The following ADAMTS20 variants were observed in gnomAD, a reference collection of about 807,000 sequenced individuals.
The protein encoded by ADAMTS20 is ADAM metallopeptidase with thrombospondin type 1 motif 20.
Under a neutral mutation model 260.1 loss-of-function variants are expected in ADAMTS20, and 225 were observed. The ratio of observed to expected loss-of-function variants is 0.87; its 90% CI spans 0.78 to 0.97. The LOEUF is 0.97. Among genes scored for constraint, ADAMTS20 ranks in the 50% least tolerant of loss-of-function variants. The pLI, the probability that ADAMTS20 is intolerant of heterozygous loss-of-function variation, is 0.00. For synonymous variants in ADAMTS20, 802 were observed against 769.5 expected (o/e 1.04, Z -0.70); for missense variants, 2,400 against 2,337.7 (o/e 1.03, Z -0.55).
At chr12:43,388,287 C>G (rs1172517599) in intron 29 of ADAMTS20, among the ~76,000 whole-genome samples, 1 of 152,140 alleles carries the variant, frequency 6.6e-6, no homozygotes, top group Non-Finnish European at 1.5e-5. Flanking sequence ...GAAGGAGTTT[C>G]CTGACCCCTT....
rs1943226526 is a variant in ADAMTS20, at chr12:43,531,929, T to G, written c.613+107A>C. 3.8e-6 allele frequency: 3 copies of G among 792,218 alleles called. No individual in the cohort carries two copies. In the East Asian group the frequency reaches 1.1e-4, roughly 29 times the overall value. 49.1% of individuals were successfully genotyped at this position (792,218 alleles called of 1,614,324 possible). Reference sequence around the variant, plus strand: ...TTTATTTCTGAATTTAAAAAATTAATTAAAAATAAATAAAATATTGAAGGG... The same window carrying G: ...TTTATTTCTGAATTTAAAAAATTAAGTAAAAATAAATAAAATATTGAAGGG... On this transcript the variant is annotated intron_variant, in intron 3 of 38. Coordinates refer to ENST00000389420, the MANE Select transcript of ADAMTS20 (RefSeq NM_025003.5).
In ADAMTS20 at chr12:43,432,291, G is replaced by A. The variant is rs1358270471; in HGVS notation, c.3096+13C>T. 19 of 1,609,138 alleles carry A rather than the reference G, an allele frequency of 1.2e-5. No individual in the cohort carries two copies. The highest frequency in any genetic ancestry group is 1.5e-5 in the Non-Finnish European group (18 of 1,177,148). On this transcript the variant is annotated intron_variant, in intron 21 of 38. Coordinates refer to ENST00000389420, the MANE Select transcript of ADAMTS20 (RefSeq NM_025003.5). ...ATATTTTAATAGTTCCAAGCATCAT[G>A]TGTTTAATGTACCTCGCTCCATTCA...
At chr12:43,387,881 C>G (rs921959722) in intron 29 of ADAMTS20, among the ~76,000 whole-genome samples, 2 of 152,164 alleles carry the variant, frequency 1.3e-5, no homozygotes, top group Admixed American at 6.5e-5. Context: ...CCCCTCCCCC[C>G]ACCAAGCTCC....
chr12:43,489,845 T>C (rs943149593), intron 7 of ADAMTS20, among the ~76,000 whole-genome samples: 1 of 151,988 alleles, frequency 6.6e-6, no homozygotes, highest in Admixed American at 6.5e-5. Flanking sequence ...ACAGTGAAAA[T>C]GCATGAACTT....
chr12:43,429,210 T>C (rs886452032), intron 24 of ADAMTS20, among the ~76,000 whole-genome samples: 4 of 152,082 alleles, frequency 2.6e-5, no homozygotes, highest in African/African-American at 9.7e-5. Flanking sequence ...TATATGAAGC[T>C]TAAAAATACA....
chr12:43,380,967 A>G (rs1940336366), intron 31 of ADAMTS20, among the ~76,000 whole-genome samples: 1 of 152,144 alleles, frequency 6.6e-6, no homozygotes, highest in South Asian at 2.1e-4. Context: ...GTTCACTCAT[A>G]CTTCCTGACT....
At chr12:43,540,033 C>T (rs1170001856) in intron 2 of ADAMTS20, among the ~76,000 whole-genome samples, 2 of 152,124 alleles carry the variant, frequency 1.3e-5, no homozygotes, top group Admixed American at 1.3e-4. Flanking sequence ...CAGGCGCTTG[C>T]CACCATGCCC....
intron 3 of ADAMTS20, among the ~76,000 whole-genome samples, chr12:43,504,143 T>C (rs955404326): frequency 6.6e-6 from 1 of 152,338 alleles, no homozygotes; most frequent in African/African-American, 2.4e-5. Context: ...CACACTGCTT[T>C]CCACAGTGGC....
At chr12:43,377,340 T>C (rs1275144780) in intron 32 of ADAMTS20, 25 bp downstream of exon 32, 2 of 1,573,668 alleles carry the variant, frequency 1.3e-6, no homozygotes, top group African/African-American at 1.3e-5. Context: ...TTCAGAAGTT[T>C]TAAAATTCAT....
intron 4 of ADAMTS20, among the ~76,000 whole-genome samples, chr12:43,499,747 C>T (rs1942729942): frequency 6.6e-6 from 1 of 152,114 alleles, no homozygotes; most frequent in African/African-American, 2.4e-5. Context: ...TCATGATCCA[C>T]CCACCTTGGC....
intron 3 of ADAMTS20, among the ~76,000 whole-genome samples, chr12:43,529,274 C>T (rs768561422): frequency 5.3e-5 from 8 of 152,070 alleles, no homozygotes; most frequent in South Asian, 2.1e-4. Flanking sequence ...GTAGATCCAC[C>T]GATTGATCCA....
In ADAMTS20 at chr12:43,552,141, C is replaced by G. The variant is rs1943527706; in HGVS notation, c.-220G>C. Among the ~76,000 whole-genome samples, 1 of 152,238 alleles carries G rather than the reference C, an allele frequency of 6.6e-6. No individual in the cohort carries two copies. The highest frequency in any genetic ancestry group is 2.1e-4 in the South Asian group (1 of 4,834). On this transcript the variant is annotated 5_prime_UTR_variant, in exon 1 of 39. Transcript: ENST00000389420. Reference sequence around the variant, plus strand: ...CTTCATCGCACTGCAGCCTCACCCCCCTTCCTGCGCCCGCGCTGCCCTCAG... The same window carrying G: ...CTTCATCGCACTGCAGCCTCACCCCGCTTCCTGCGCCCGCGCTGCCCTCAG...
chr12:43,452,192 G>A, intron 14 of ADAMTS20, 82 bp downstream of exon 14: 2 of 1,380,226 alleles, frequency 1.4e-6, no homozygotes, highest in Non-Finnish European at 1.9e-6. Context: ...AATAGTAAAA[G>A]TAATATTTGG....
intron 28 of ADAMTS20, chr12:43,423,753 A>G (rs933824211): frequency 5.7e-6 from 4 of 702,374 alleles, no homozygotes; most frequent in Middle Eastern, 4.6e-4. Context: ...CTCCATAGGG[A>G]TAAGAAATAT....
intron 14 of ADAMTS20, among the ~76,000 whole-genome samples, chr12:43,450,707 T>C (rs1592075537): frequency 8.7e-6 from 1 of 114,670 alleles, no homozygotes; most frequent in Non-Finnish European, 1.9e-5. Context: ...TCATAACTTA[T>C]ACTTATATTT....
At chr12:43,439,404 G>A (rs1362955433) in intron 18 of ADAMTS20, among the ~76,000 whole-genome samples, 5 of 152,092 alleles carry the variant, frequency 3.3e-5, no homozygotes, top group Non-Finnish European at 2.9e-5. Flanking sequence ...ATAGAGAAGG[G>A]TGAAAAGAGT....
intron 11 of ADAMTS20, among the ~76,000 whole-genome samples, chr12:43,454,360 G>A (rs1244787993): frequency 2.0e-5 from 3 of 152,036 alleles, no homozygotes; most frequent in Admixed American, 2.0e-4. Flanking sequence ...CCAAATACCA[G>A]GTTAATATGG....
intron 25 of ADAMTS20, 31 bp from the exon 26 acceptor site, chr12:43,428,562 C>A: frequency 6.4e-7 from 1 of 1,555,256 alleles, no homozygotes; most frequent in Non-Finnish European, 8.7e-7. Flanking sequence ...TGGTAATATA[C>A]AACATTAATT....
chr12:43,366,917 A>G (rs1939999005), intron 37 of ADAMTS20, among the ~76,000 whole-genome samples: 1 of 151,948 alleles, frequency 6.6e-6, no homozygotes, highest in South Asian at 2.1e-4. Context: ...ATTGTAAGGG[A>G]ATACTATGAA....
Sources: allele counts gnomAD v4.1 joint callset (sites outside exome capture counted in the v4.1 genomes callset), GRCh38; gene constraint gnomAD v4.1.1; transcripts MANE v1.5; gene names NCBI Gene and HGNC (gene_info 2026-07-23, HGNC 2026-07-21).